Variants in ORM1 observed in about 807,000 individuals in gnomAD.
ORM1 encodes the protein alpha-1-acid glycoprotein 1.
In ORM1, 13 loss-of-function variants were observed where a neutral mutation model predicts 26.9. The ratio of observed to expected loss-of-function variants is 0.48; its 90% CI spans 0.31 to 0.77. ORM1 has a LOEUF of 0.77. ORM1 is among the 30% of genes least tolerant of loss of function. The pLI, the probability that ORM1 is intolerant of heterozygous loss-of-function variation, is 0.04. For synonymous variants in ORM1, 76 were observed against 102.2 expected (o/e 0.74, Z 1.55); for missense variants, 189 against 246.8 (o/e 0.77, Z 1.57).
At position 114,326,092 on chromosome 9, in the gene ORM1, A is replaced by G. The variant is rs10982161; in HGVS notation, c.541-200A>G. Among the ~76,000 whole-genome samples the G allele has an allele frequency of 5.0e-3, 747 of 150,454 alleles. 17 individuals carry two copies. In the East Asian group the frequency reaches 0.06, roughly 12 times the overall value. On this transcript the variant is annotated intron_variant, in intron 5 of 5. Coordinates refer to ENST00000259396, the MANE Select transcript of ORM1 (RefSeq NM_000607.4). ...TCTTAAGAGTCTGAGCTCCCATTGT[A>G]GAGGCAAGTAAGCTGAGGTTCAGAG...
Position 114,324,902 on chromosome 9 carries a change from G to A in ORM1, c.436+5G>A, listed in dbSNP as rs1384876381. On this transcript the variant is annotated splice_donor_5th_base_variant and intron_variant, in intron 4 of 5. Coordinates refer to ENST00000259396, the MANE Select transcript of ORM1 (RefSeq NM_000607.4). ...ACTGGGGGCTGTCTGTCTATGGTAG[G>A]CATGCTTAGCAGCCCCAAACTCATG... is the stretch of plus-strand genomic sequence containing the variant. The A allele has an allele frequency of 2.5e-6, 4 of 1,612,282 alleles. No individual in the cohort carries two copies. The highest frequency in any genetic ancestry group is 4.5e-5 in the East Asian group (2 of 44,856).
At chr9:114,325,466 C>T (rs560676006) in intron 5 of ORM1, among the ~76,000 whole-genome samples, 1,415 of 146,128 alleles carry the variant, frequency 9.7e-3, no homozygotes, top group Admixed American at 0.016. Flanking sequence ...CCTACAGACG[C>T]GTCCCAAACC....
At chr9:114,324,719 C>A in intron 3 of ORM1, 71 bp from the exon 4 acceptor site, 1 of 1,285,572 alleles carries the variant, frequency 7.8e-7, no homozygotes, top group Non-Finnish European at 1.1e-6. Flanking sequence ...ACACCTAGGC[C>A]TCCTCACCTG....
At chr9:114,325,002 G>T (rs755288081) in intron 4 of ORM1, 47 bp from the exon 5 acceptor site, 12 of 1,599,988 alleles carry the variant, frequency 7.5e-6, no homozygotes, top group Middle Eastern at 1.7e-4. Context: ...CTGGCCTCCC[G>T]CCGGGCCCCA....
chr9:114,324,382 T>TCATGCCCTCTCATGCA (rs1165619504), intron 3 of ORM1, among the ~76,000 whole-genome samples: 129 of 152,276 alleles, frequency 8.5e-4, no homozygotes, highest in Middle Eastern at 6.8e-3. Flanking sequence ...ATGCCCTCTT[T>TCATGCCCTCTCATGCA]AAGATCCTTT....
chr9:114,323,378 G>C, intron 1 of ORM1, 131 bp downstream of exon 1: 2 of 1,551,932 alleles, frequency 1.3e-6, no homozygotes, highest in Non-Finnish European at 1.7e-6. Flanking sequence ...GGTCCCCAGG[G>C]TGAAATTCTC....
chr9:114,325,616 C>A (rs1374762709), intron 5 of ORM1, among the ~76,000 whole-genome samples: 1 of 152,162 alleles, frequency 6.6e-6, no homozygotes, highest in African/African-American at 2.4e-5. Context: ...ATGAAAATTA[C>A]TTTATAATGA....
At chr9:114,325,026 C>T in intron 4 of ORM1, 23 bp from the exon 5 acceptor site, 1 of 1,610,620 alleles carries the variant, frequency 6.2e-7, no homozygotes, top group Non-Finnish European at 8.5e-7. Context: ...TGTCCCCAGT[C>T]AGTCTCCTTG....
chr9:114,323,609 ACAGT>A, intron 1 of ORM1, 50 bp from the exon 2 acceptor site: 1 of 1,613,710 alleles, frequency 6.2e-7, no homozygotes, highest in Non-Finnish European at 8.5e-7. Flanking sequence ...CTCCCAGCTG[ACAGT>A]CAAAGATTCA....
Position 114,324,072 on chromosome 9 carries a change from G to A in ORM1, c.312G>A (p.Gly104=). 6.2e-7 allele frequency: 1 copy of A among 1,614,070 alleles called. No homozygotes were observed. The highest frequency in any genetic ancestry group is 1.1e-5 in the South Asian group (1 of 91,056). ...TTYLNVQREN[G]TISRYVGGQE... ...ACCTGAATGTCCAGCGGGAAAATGG[G>A]ACCATCTCCAGATACGGTGAGGGCC... Residue 104 remains glycine, a synonymous_variant, in exon 3 of 6, where the codon GGG becomes GGA. Transcript: ENST00000259396.
Position 114,323,689 on chromosome 9 carries a change from A to G in ORM1, c.141A>G (p.Ala47=), listed in dbSNP as rs565376733. The G allele has an allele frequency of 3.2e-5, 52 of 1,614,024 alleles. No individual in the cohort carries two copies. In the East Asian group the frequency reaches 1.1e-3, roughly 35 times the overall value. ...DRITGKWFYI[A]SAFRNEEYNK... Reference sequence around the variant, plus strand: ...TCACTGGCAAGTGGTTTTATATCGCATCGGCCTTTCGAAACGAGGAGTACA... The same window carrying G: ...TCACTGGCAAGTGGTTTTATATCGCGTCGGCCTTTCGAAACGAGGAGTACA... Residue 47 remains alanine (A), a synonymous_variant, in exon 2 of 6, where the codon GCA becomes GCG. Transcript: ENST00000259396.
rs1417224431 is a variant in ORM1, at chr9:114,325,172, C to G, written c.540+20C>G. 1.2e-5 allele frequency: 19 copies of G among 1,609,134 alleles called. No individual in the cohort carries two copies. Among genetic ancestry groups the G allele is most frequent in the Non-Finnish European group, 1.4e-5 (17 of 1,175,740 alleles). On this transcript the variant is annotated intron_variant, in intron 5 of 5. Transcript: ENST00000259396. ...AAAAAGGTAAACGCAAGGGATTGGA[C>G]AGTGCCCACCTTGTCCATGGCCCAA...
At position 114,323,440 on chromosome 9, in the gene ORM1, C is replaced by T. The variant is rs1202486856; in HGVS notation, c.114+193C>T. ...CCCCTGCCTCCAAACACAGAAGCCT[C>T]ACTGCAGAGTCCTTCACGGAGGACG... On this transcript the variant is annotated intron_variant, in intron 1 of 5. Transcript: ENST00000259396. 3 of 828,916 alleles carry T rather than the reference C, an allele frequency of 3.6e-6. No individual in the cohort carries two copies. The Admixed American group carries it at 6.0e-5, about 17-fold the overall frequency. 51.3% of individuals were successfully genotyped at this position (828,916 alleles called of 1,614,324 possible).
intron 3 of ORM1, 111 bp from the exon 4 acceptor site, chr9:114,324,679 C>T (rs929051556): frequency 9.0e-6 from 8 of 885,504 alleles, no homozygotes; most frequent in Non-Finnish European, 1.4e-5. Context: ...GAGCCCTGGG[C>T]CTTCACTGAT....
At chr9:114,324,134 C>T (rs779006585) in intron 3 of ORM1, 46 bp downstream of exon 3, 10 of 1,564,226 alleles carry the variant, frequency 6.4e-6, no homozygotes, top group East Asian at 2.2e-5. Flanking sequence ...GGGAACAGGG[C>T]AGGCCAGCAT....
In ORM1 at chr9:114,324,810, G is replaced by C; in HGVS notation, c.349G>C (p.Ala117Pro). The C allele has an allele frequency of 1.9e-6, 3 of 1,613,984 alleles. No homozygotes were observed. Among genetic ancestry groups the C allele is most frequent in the Non-Finnish European group, 1.7e-6 (2 of 1,179,888 alleles). ...SRYVGGQEHF[A>P]HLLILRDTKT... ...TCCAGTGGGAGGCCAAGAGCATTTC[G>C]CTCACTTGCTGATCCTCAGGGACAC... The change falls in exon 4 of 6, where the codon GCT (alanine) becomes CCT (proline). Residue 117 changes from alanine (A) to proline (P), a missense_variant. This residue lies in a region of ORM1 where 163 missense variants were observed against 157.7 expected (regional missense o/e 1.03). Coordinates refer to ENST00000259396, the MANE Select transcript of ORM1 (RefSeq NM_000607.4).
At chr9:114,325,176 G>A in intron 5 of ORM1, 24 bp downstream of exon 5, 2 of 1,608,438 alleles carry the variant, frequency 1.2e-6, no homozygotes, top group Non-Finnish European at 1.7e-6. Context: ...ATTGGACAGT[G>A]CCCACCTTGT....
chr9:114,324,594 T>C (rs1829738466), intron 3 of ORM1, among the ~76,000 whole-genome samples, 196 bp from the exon 4 acceptor site: 1 of 152,180 alleles, frequency 6.6e-6, no homozygotes, highest in Non-Finnish European at 1.5e-5. Flanking sequence ...GTGAGGCTCC[T>C]GAGATCTCAT....
chr9:114,324,038 A>C lies in ORM1; in HGVS notation c.278A>C (p.Asn93Thr), dbSNP rs775455856. The change falls in exon 3 of 6, where the codon AAC becomes ACC. Residue 93 changes from asparagine to threonine, a missense_variant. By Grantham distance (65) the Asn-to-Thr change is moderately conservative (BLOSUM62 0). Around this residue, in one of 3 missense-constraint regions of ORM1, gnomAD observed 163 missense variants for 157.7 expected, o/e 1.03. Transcript: ENST00000259396. Reference protein sequence around the residue: ...YQTRQDQCIYNTTYLNVQREN... With the variant: ...YQTRQDQCIYTTTYLNVQREN... ...TTTAGACAGGACCAGTGCATCTATA[A>C]CACCACCTACCTGAATGTCCAGCGG... 1 of 1,613,950 alleles carries C rather than the reference A, an allele frequency of 6.2e-7. No homozygotes were observed. Among genetic ancestry groups the C allele is most frequent in the South Asian group, 1.1e-5 (1 of 91,060 alleles).
Sources: allele counts gnomAD v4.1 joint callset (sites outside exome capture counted in the v4.1 genomes callset), GRCh38; gene constraint gnomAD v4.1.1; regional missense constraint gnomAD v4.1.1; transcripts MANE v1.5; gene names NCBI Gene and HGNC (gene_info 2026-07-23, HGNC 2026-07-21).